Variants in SLC13A3 observed in about 807,000 individuals in gnomAD.
SLC13A3 encodes Na(+)/dicarboxylate cotransporter 3.
A neutral mutation model predicts 59.0 loss-of-function variants in SLC13A3; 40 were observed. That is an observed-to-expected ratio of 0.68 (90% CI 0.53 to 0.88). The LOEUF (loss-of-function observed/expected upper bound fraction) is 0.88, where lower values mean the gene tolerates loss of function less well. SLC13A3 is among the 40% of genes least tolerant of loss of function. The probability of loss-of-function intolerance (pLI) is 0.00; values close to 1 mark genes in which losing one functional copy is unlikely to be tolerated. For missense variants in SLC13A3, 699 were observed against 783.2 expected, an observed-to-expected ratio of 0.89 and a Z score of 1.28; for synonymous variants, 317 against 330.3, an observed-to-expected ratio of 0.96 and a Z score of 0.44.
chr20:46,575,322 G>A (rs2062064261), intron 10 of SLC13A3, among the ~76,000 whole-genome samples: 3 of 152,168 alleles, frequency 2.0e-5, no homozygotes, highest in African/African-American at 7.2e-5. Flanking sequence ...AGTATTATTA[G>A]TATTAGTATT....
intron 10 of SLC13A3, among the ~76,000 whole-genome samples, chr20:46,571,073 G>T (rs144241660): frequency 6.6e-6 from 1 of 152,260 alleles, no homozygotes; most frequent in East Asian, 1.9e-4. Context: ...AGCAAGAAGT[G>T]CCGAGCAGAA....
chr20:46,627,982 G>A (rs1010606616), intron 1 of SLC13A3, among the ~76,000 whole-genome samples: 5 of 152,106 alleles, frequency 3.3e-5, no homozygotes, highest in Non-Finnish European at 7.3e-5. Flanking sequence ...ATCATAGAGG[G>A]GAGTCCAGGT....
chr20:46,614,959 T>C (rs568617690), intron 1 of SLC13A3, among the ~76,000 whole-genome samples: 1 of 152,328 alleles, frequency 6.6e-6, no homozygotes, highest in East Asian at 1.9e-4. Context: ...ACTTTTGGGC[T>C]GATGGCAATG....
upstream of SLC13A3, among the ~76,000 whole-genome samples, chr20:46,653,394 G>A (rs2062965476): frequency 6.6e-6 from 1 of 152,126 alleles, no homozygotes; most frequent in Non-Finnish European, 1.5e-5. Flanking sequence ...ACAGTCATGG[G>A]TTCTTAGTTT....
At chr20:46,600,301 AAG>A (rs2062361919) in intron 3 of SLC13A3, among the ~76,000 whole-genome samples, 1 of 96,194 alleles carries the variant, frequency 1.0e-5, no homozygotes, top group African/African-American at 5.4e-5. Context: ...GAAAGAAAGA[AAG>A]AAAGAAAGAG....
At chr20:46,605,675 A>G (rs2062431233) in intron 3 of SLC13A3, among the ~76,000 whole-genome samples, 1 of 152,080 alleles carries the variant, frequency 6.6e-6, no homozygotes, top group African/African-American at 2.4e-5. Context: ...CAGAGTCAGG[A>G]TTATACCCAG....
rs2062312966 is a variant in SLC13A3 at position 46,596,339 on chromosome 20, T to A, written c.612A>T (p.Lys204Asn). ...GAACCTCTGTCTCCCCAGGGTGGTC[T>A]TTGCTTTAAACAAATCCAAAGAGAA... is the stretch of plus-strand genomic sequence containing the variant. ...EMQFLASTEA[K>N]DHPGETEVPL... The change falls in exon 5 of 13, where the codon AAA becomes AAT. Residue 204 changes from lysine (K) to asparagine (N), a missense_variant. Transcript: ENST00000279027. 1.9e-6 allele frequency: 3 copies of A among 1,613,724 alleles called. No individual in the cohort carries two copies. The Admixed American group carries it at 5.0e-5, about 27-fold the overall frequency.
chr20:46,640,104 G>C (rs1455107638), intron 1 of SLC13A3, among the ~76,000 whole-genome samples: 3 of 152,220 alleles, frequency 2.0e-5, no homozygotes, highest in African/African-American at 7.2e-5. Context: ...GTAGATGCTA[G>C]AGGTGCTGGC....
chr20:46,608,504 A>G (rs2694896), intron 3 of SLC13A3, among the ~76,000 whole-genome samples: 109,887 of 152,190 alleles, frequency 0.72, 41,128 homozygotes, highest in African/African-American at 0.92. Context: ...CTGCCGTTGC[A>G]TAGAGCTGAC....
upstream of SLC13A3, among the ~76,000 whole-genome samples, chr20:46,654,872 C>T (rs181040361): frequency 3.3e-5 from 5 of 152,284 alleles, no homozygotes; most frequent in African/African-American, 1.2e-4. Flanking sequence ...GGTCTGCAGG[C>T]AACAAATTCT....
chr20:46,661,626 C>T (rs1019457055), intron 1 of SLC13A3, among the ~76,000 whole-genome samples: 3 of 152,136 alleles, frequency 2.0e-5, no homozygotes, highest in Non-Finnish European at 2.9e-5. Flanking sequence ...ATCCTGCCCC[C>T]CATTTCCTGC....
chr20:46,583,706 C>T, intron 8 of SLC13A3, 37 bp from the exon 9 acceptor site: 1 of 1,612,844 alleles, frequency 6.2e-7, no homozygotes, highest in Non-Finnish European at 8.5e-7. Context: ...TGACCATGGG[C>T]ATCTCAGCGG....
In SLC13A3 at chr20:46,575,678, G is replaced by A. The variant is rs1017892965; in HGVS notation, c.1227C>T (p.Asn409=). The A allele has an allele frequency of 3.2e-6, 5 of 1,587,108 alleles. No homozygotes were observed. Among genetic ancestry groups the A allele is most frequent in the Non-Finnish European group, 4.3e-6 (5 of 1,165,094 alleles). ...AGGTCAGCAAGGGCTCTGTCTCTGT[G>A]TTGGGAGCTGGGCAGAGAGAGGGAT... The part of the protein sequence containing the change: ...LKWWFDFKAP[N]TETEPLLTWK... The change falls in exon 10 of 13, where the codon AAC becomes AAT. Residue 409 remains asparagine, a synonymous_variant. Transcript: ENST00000279027.
At chr20:46,651,214 C>T in intron 1 of SLC13A3, 97 bp downstream of exon 1, 1 of 1,383,080 alleles carries the variant, frequency 7.2e-7, no homozygotes. Context: ...TGGAGCCTGT[C>T]TACACTGGGA....
chr20:46,630,591 T>C (rs1429104237), intron 1 of SLC13A3, among the ~76,000 whole-genome samples: 2 of 152,252 alleles, frequency 1.3e-5, no homozygotes, highest in Non-Finnish European at 2.9e-5. Flanking sequence ...AAAGATGGCA[T>C]ATTCTTCTCC....
intron 9 of SLC13A3, chr20:46,583,194 AT>A (rs1330154492): frequency 1.5e-6 from 1 of 680,504 alleles, no homozygotes; most frequent in Non-Finnish European, 1.8e-6. Context: ...ATTTCCACAA[AT>A]TCCTTAGGGG....
intron 1 of SLC13A3, among the ~76,000 whole-genome samples, chr20:46,676,474 C>T (rs2063126371): frequency 6.8e-6 from 1 of 147,464 alleles, no homozygotes; most frequent in South Asian, 2.2e-4. Context: ...AGGCTGGTCT[C>T]GAACTCCTGA....
At chr20:46,634,213 A>G (rs1446510534) in intron 1 of SLC13A3, among the ~76,000 whole-genome samples, 2 of 152,210 alleles carry the variant, frequency 1.3e-5, no homozygotes, top group South Asian at 2.1e-4. Context: ...AAGGTGCTTG[A>G]TAGGCATTTT....
chr20:46,572,828 C>G (rs1441252129), intron 10 of SLC13A3, among the ~76,000 whole-genome samples: 2 of 152,154 alleles, frequency 1.3e-5, no homozygotes, highest in East Asian at 3.9e-4. Context: ...AGATCATACA[C>G]CTAAGAAGTG....
Sources: gnomAD v4.1 joint callset for allele counts (sites outside exome capture counted in the v4.1 genomes callset) on GRCh38, gnomAD v4.1.1 for gene constraint, MANE v1.5 for transcripts, NCBI Gene and HGNC (gene_info 2026-07-23, HGNC 2026-07-21) for gene names.